The following MYLK variants were observed in gnomAD, a reference collection of about 807,000 sequenced individuals.
MYLK encodes myosin light chain kinase.
A neutral mutation model predicts 203.4 loss-of-function variants in MYLK; 106 were observed. The ratio of observed to expected loss-of-function variants is 0.52; its 90% CI spans 0.45 to 0.61. The LOEUF is 0.61. Ranked by LOEUF, MYLK falls within the 20% of genes least tolerant of loss-of-function variation. MYLK has a pLI of 0.00. For synonymous variants in MYLK, 867 were observed against 959.5 expected, an observed-to-expected ratio of 0.90 and a Z score of 1.78; for missense variants, 2,072 against 2,442.3, an observed-to-expected ratio of 0.85 and a Z score of 3.20.
At chr3:123,818,787 A>G (rs1485240936) in intron 3 of MYLK, among the ~76,000 whole-genome samples, 2 of 152,248 alleles carry the variant, frequency 1.3e-5, no homozygotes, top group Non-Finnish European at 2.9e-5. Flanking sequence ...TAGTTTCCTC[A>G]GCAGCACCTG....
intron 3 of MYLK, among the ~76,000 whole-genome samples, chr3:123,830,539 G>A (rs1025176728): frequency 6.6e-6 from 1 of 152,148 alleles, no homozygotes; most frequent in Non-Finnish European, 1.5e-5. Flanking sequence ...CACCATGGGG[G>A]AAATTATCAG....
intron 2 of MYLK, among the ~76,000 whole-genome samples, chr3:123,851,177 G>A (rs1269819644): frequency 1.1e-4 from 17 of 152,166 alleles, no homozygotes; most frequent in Non-Finnish European, 1.5e-4. Flanking sequence ...GTCAGGTAGC[G>A]TGATGCCTCC....
chr3:123,728,206 T>C (rs1351166274), intron 11 of MYLK, among the ~76,000 whole-genome samples: 4 of 152,056 alleles, frequency 2.6e-5, no homozygotes, highest in Admixed American at 1.3e-4. Flanking sequence ...GAGCATTCAA[T>C]AAAAACAAAC....
At chr3:123,775,602 G>A (rs1190314455) in intron 4 of MYLK, among the ~76,000 whole-genome samples, 1 of 152,088 alleles carries the variant, frequency 6.6e-6, no homozygotes, top group Non-Finnish European at 1.5e-5. Flanking sequence ...GCCCAGTGAA[G>A]ACAAATTGAC....
chr3:123,778,119 T>C (rs1190107453), intron 4 of MYLK, among the ~76,000 whole-genome samples: 1 of 152,126 alleles, frequency 6.6e-6, no homozygotes. Context: ...TATATGATGA[T>C]GCATTCTCAA....
At chr3:123,831,302 A>G (rs1047841998) in intron 3 of MYLK, 34 of 1,166,268 alleles carry the variant, frequency 2.9e-5, no homozygotes, top group East Asian at 5.9e-5. Flanking sequence ...GCTAGTTCCA[A>G]TGATGATTTC....
intron 20 of MYLK, among the ~76,000 whole-genome samples, chr3:123,672,210 GA>G (rs2059936344): frequency 9.1e-5 from 1 of 10,980 alleles, no homozygotes; most frequent in Non-Finnish European, 2.5e-3. Context: ...AGGGGGAGGA[GA>G]GAGAGAGAGA....
intron 4 of MYLK, among the ~76,000 whole-genome samples, chr3:123,778,151 G>T (rs574177718): frequency 3.3e-5 from 5 of 151,960 alleles, no homozygotes; most frequent in Non-Finnish European, 7.4e-5. Flanking sequence ...CATCCCTAAG[G>T]GGGGGCGATA....
intron 24 of MYLK, among the ~76,000 whole-genome samples, chr3:123,653,986 T>TTGTGTGTGTGTGTGTGTGTG (rs752791805): frequency 4.4e-5 from 6 of 137,648 alleles, no homozygotes; most frequent in Admixed American, 7.2e-5. Flanking sequence ...CAGAGGGATG[T>TTGTGTGTGTGTGTGTGTGTG]TGTGTGTGTG....
rs578230874 is a variant in MYLK at position 123,765,317 on chromosome 3, G to C, written c.166-12779C>G. Among the ~76,000 whole-genome samples, 69 of 152,164 alleles carry C rather than the reference G, an allele frequency of 4.5e-4. 2 individuals carry two copies. The South Asian group carries it at 7.3e-3, about 16-fold the overall frequency. On this transcript the variant is annotated intron_variant, in intron 4 of 33. Transcript: ENST00000360304. ...AGGCTGAGGCAGGTGGATCACCTGA[G>C]GTCAGGGGTTCGAGACCAGCCTGGC... is the stretch of plus-strand genomic sequence containing the variant.
rs147132824 is a variant in MYLK, at chr3:123,679,991, C to T, written c.3652+2233G>A. ...CCAGCTTGACTGCACATGACGTGAC[C>T]TGGAGCTTGAACAAATACTGAGGCC... On this transcript the variant is annotated intron_variant, in intron 20 of 33. Transcript: ENST00000360304. 5.5e-4 allele frequency among the ~76,000 whole-genome samples: 84 copies of T among 152,260 alleles called. 1 individual carries two copies. The highest frequency in any genetic ancestry group is 3.3e-3 in the South Asian group (16 of 4,814).
intron 2 of MYLK, among the ~76,000 whole-genome samples, chr3:123,853,770 G>T (rs1440974114): frequency 6.6e-6 from 1 of 152,068 alleles, no homozygotes; most frequent in African/African-American, 2.4e-5. Context: ...ATAAGGATGA[G>T]CATATTTTGC....
intron 4 of MYLK, among the ~76,000 whole-genome samples, chr3:123,781,089 AC>A (rs1411931847): frequency 6.6e-6 from 1 of 152,138 alleles, no homozygotes; most frequent in Non-Finnish European, 1.5e-5. Context: ...AAATCCCGGG[AC>A]CTGCTCAGGG....
intron 19 of MYLK, among the ~76,000 whole-genome samples, chr3:123,687,843 T>C (rs2060517735): frequency 6.6e-6 from 1 of 152,120 alleles, no homozygotes; most frequent in South Asian, 2.1e-4. Flanking sequence ...AGGCAACTTT[T>C]GTATTTTTTG....
At chr3:123,631,567 A>C (rs543627186) in intron 29 of MYLK, among the ~76,000 whole-genome samples, 3 of 152,188 alleles carry the variant, frequency 2.0e-5, no homozygotes, top group Non-Finnish European at 2.9e-5. Context: ...AACAAACCCC[A>C]CTTGAAATAT....
intron 24 of MYLK, among the ~76,000 whole-genome samples, chr3:123,655,471 C>G (rs2059363986): frequency 6.6e-6 from 1 of 152,220 alleles, no homozygotes; most frequent in Non-Finnish European, 1.5e-5. Flanking sequence ...GCCACACTAG[C>G]TTAAACCTTT....
chr3:123,801,031 T>C (rs1382734478), intron 3 of MYLK, among the ~76,000 whole-genome samples: 1 of 152,144 alleles, frequency 6.6e-6, no homozygotes, highest in Non-Finnish European at 1.5e-5. Flanking sequence ...AAGAGAAAAA[T>C]ATATTTTCTA....
In MYLK at chr3:123,699,916, C is replaced by G; in HGVS notation, c.3448+104G>C. ...CTACCTGCTAAACCAGGTTAGCAGC[C>G]TACCTATGGGCTGCTAACAGGGGTC... On this transcript the variant is annotated intron_variant, in intron 18 of 33. Coordinates refer to ENST00000360304, the MANE Select transcript of MYLK (RefSeq NM_053025.4). 2.0e-6 allele frequency: 3 copies of G among 1,499,064 alleles called. No homozygotes were observed. The South Asian group carries it at 3.6e-5, about 18-fold the overall frequency. The allele number at this position is 1,499,064 out of a possible 1,614,324, so 92.9% of individuals were successfully genotyped here.
At chr3:123,824,630 T>C (rs1258704482) in intron 3 of MYLK, among the ~76,000 whole-genome samples, 1 of 152,124 alleles carries the variant, frequency 6.6e-6, no homozygotes, top group Non-Finnish European at 1.5e-5. Flanking sequence ...GGTTACACTA[T>C]TGATCAAGGT....
Sources: gnomAD v4.1 joint callset for allele counts (sites outside exome capture counted in the v4.1 genomes callset) on GRCh38, gnomAD v4.1.1 for gene constraint, MANE v1.5 for transcripts, NCBI Gene and HGNC (gene_info 2026-07-23, HGNC 2026-07-21) for gene names.